Variants in NBEA observed in about 807,000 individuals in gnomAD.
The protein encoded by NBEA is lysosomal-trafficking regulator 2.
A neutral mutation model predicts 343.4 loss-of-function variants in NBEA; 44 were observed. The observed-to-expected ratio is 0.13, with a 90% confidence interval of 0.10 to 0.16. The LOEUF is 0.16. Among genes scored for constraint, NBEA ranks in the 10% least tolerant of loss-of-function variants. The pLI is 1.00. For missense variants in NBEA, 2,555 were observed against 3,631.3 expected (o/e 0.70, Z 7.62); for synonymous variants, 1,175 against 1,238.7 (o/e 0.95, Z 1.08).
intron 38 of NBEA, among the ~76,000 whole-genome samples, chr13:35,358,139 A>G (rs765854806): frequency 4.6e-5 from 7 of 151,938 alleles, no homozygotes; most frequent in Non-Finnish European, 8.8e-5. Context: ...CTCTTGCCTC[A>G]GCCTCCTGAG....
chr13:35,594,765 C>G (rs1396591716), intron 47 of NBEA, among the ~76,000 whole-genome samples: 1 of 151,866 alleles, frequency 6.6e-6, no homozygotes, highest in Non-Finnish European at 1.5e-5. Context: ...ACAGTAGTAT[C>G]CAGAATTCAC....
At chr13:35,425,126 G>GT (rs1178090802) in intron 38 of NBEA, among the ~76,000 whole-genome samples, 1 of 152,034 alleles carries the variant, frequency 6.6e-6, no homozygotes, top group East Asian at 1.9e-4. Context: ...TTTTTGAAGG[G>GT]TTTTTTGTGT....
At chr13:35,536,641 A>G (rs2078560910) in intron 41 of NBEA, among the ~76,000 whole-genome samples, 1 of 125,558 alleles carries the variant, frequency 8.0e-6, no homozygotes, top group Non-Finnish European at 1.7e-5. Context: ...TAAAAAATAG[A>G]TAGATGATAG....
chr13:35,539,915 C>CAAAA lies in NBEA; in HGVS notation c.6586-10538_6586-10535dup, dbSNP rs71081262. On this transcript the variant is annotated intron_variant, in intron 41 of 58. Transcript: ENST00000379939. Reference sequence around the variant, plus strand: ...TGGGCGACAGAGCAAGACTCCGTCTCAAAAAAAAAAAAAAAAAAAAAAAAA... The same window carrying CAAAA: ...TGGGCGACAGAGCAAGACTCCGTCTCAAAAAAAAAAAAAAAAAAAAAAAAAAAAA... 1.9e-3 allele frequency among the ~76,000 whole-genome samples: 76 copies of CAAAA among 39,610 alleles called. 12 individuals carry two copies. The highest frequency in any genetic ancestry group is 7.0e-3 in the African/African-American group (57 of 8,120). The allele number at this position is 39,610 out of a possible 152,430, so 26.0% of individuals were successfully genotyped here. A position where few individuals can be genotyped will look rare whatever the true frequency, so the allele number is the denominator to read the frequency against.
At chr13:35,283,102 C>A (rs1033152072) in intron 34 of NBEA, among the ~76,000 whole-genome samples, 1 of 152,056 alleles carries the variant, frequency 6.6e-6, no homozygotes, top group African/African-American at 2.4e-5. Flanking sequence ...TAAAAACCAT[C>A]ACTATAGATT....
At position 35,070,769 on chromosome 13, in the gene NBEA, T is replaced by G; in HGVS notation, c.1488T>G (p.Ile496Met). 1 of 1,609,678 alleles carries G rather than the reference T, an allele frequency of 6.2e-7. No homozygotes were observed. The change falls in exon 10 of 59, where the codon ATT (isoleucine) becomes ATG (methionine). Residue 496 changes from isoleucine (I) to methionine (M), a missense_variant. This residue lies in a region of NBEA where 360 missense variants were observed against 519.1 expected (regional missense o/e 0.69). Transcript: ENST00000379939. ...CAATTCATAGTGCAATTCATTCAAT[T>G]GGAGGGATTCAAGTGCTTTTTCCAC... ...THSIHSAIHSIGGIQVLFPLF... is the reference protein window; with the variant it reads ...THSIHSAIHSMGGIQVLFPLF...
At chr13:35,404,781 T>C (rs2043187269) in intron 38 of NBEA, among the ~76,000 whole-genome samples, 1 of 151,636 alleles carries the variant, frequency 6.6e-6, no homozygotes, top group African/African-American at 2.4e-5. Context: ...AAAAGAACAA[T>C]ACAATGATTA....
At chr13:35,140,881 G>A (rs984978791) in intron 17 of NBEA, among the ~76,000 whole-genome samples, 1 of 152,136 alleles carries the variant, frequency 6.6e-6, no homozygotes, top group African/African-American at 2.4e-5. Flanking sequence ...CCAAGCAGTT[G>A]ATTATCTTAC....
rs182781501 is a variant in NBEA, at chr13:35,342,689, T to C, written c.5904-6419T>C. 2.1e-3 allele frequency among the ~76,000 whole-genome samples: 324 copies of C among 152,170 alleles called. 2 individuals are homozygous for C. The highest frequency in any genetic ancestry group is 6.8e-3 in the Middle Eastern group (2 of 294). On this transcript the variant is annotated intron_variant, in intron 36 of 58. Coordinates refer to ENST00000379939, the MANE Select transcript of NBEA (RefSeq NM_001385012.1). Reference sequence around the variant, plus strand: ...ATAATATTGTTGCAGAAGAGGCTTATGATGTTATTTAACTTCATACTTATT... The same window carrying C: ...ATAATATTGTTGCAGAAGAGGCTTACGATGTTATTTAACTTCATACTTATT...
chr13:35,040,062 T>A (rs1432692846), intron 1 of NBEA, among the ~76,000 whole-genome samples: 1 of 152,154 alleles, frequency 6.6e-6, no homozygotes, highest in African/African-American at 2.4e-5. Context: ...GACTTCAAAT[T>A]TGTCAGACGT....
chr13:35,447,467 A>G (rs2046104929), intron 39 of NBEA, among the ~76,000 whole-genome samples: 1 of 151,236 alleles, frequency 6.6e-6, no homozygotes, highest in Non-Finnish European at 1.5e-5. Flanking sequence ...TCTGTATTAC[A>G]TAACATTTTC....
At chr13:35,035,286 G>A (rs1158479599) in intron 1 of NBEA, among the ~76,000 whole-genome samples, 1 of 151,878 alleles carries the variant, frequency 6.6e-6, no homozygotes, top group African/African-American at 2.4e-5. Context: ...TTGTCATTCA[G>A]GAGCATATTG....
At chr13:35,252,931 C>G (rs1027014605) in intron 34 of NBEA, among the ~76,000 whole-genome samples, 1 of 152,128 alleles carries the variant, frequency 6.6e-6, no homozygotes, top group African/African-American at 2.4e-5. Context: ...TGAAGACATC[C>G]TCTCTACTCC....
chr13:35,333,916 G>A (rs2039083778), intron 36 of NBEA, among the ~76,000 whole-genome samples: 1 of 151,980 alleles, frequency 6.6e-6, no homozygotes, highest in African/African-American at 2.4e-5. Context: ...TTGTGTACAA[G>A]TACTGCATTT....
intron 29 of NBEA, 69 bp downstream of exon 29, chr13:35,182,597 A>G: frequency 7.2e-7 from 1 of 1,394,036 alleles, no homozygotes. Context: ...CTTTACATCT[A>G]GATTTAAACT....
At chr13:35,015,505 T>C (rs143328319) in intron 1 of NBEA, among the ~76,000 whole-genome samples, 1 of 152,070 alleles carries the variant, frequency 6.6e-6, no homozygotes. Flanking sequence ...ACAACTACTT[T>C]CCATTTTTTT....
intron 13 of NBEA, among the ~76,000 whole-genome samples, chr13:35,115,280 A>G (rs1263753687): frequency 6.6e-6 from 1 of 152,112 alleles, no homozygotes; most frequent in Non-Finnish European, 1.5e-5. Flanking sequence ...TGAATACATC[A>G]TGAACACAAA....
At chr13:35,395,491 C>T (rs1013924380) in intron 38 of NBEA, among the ~76,000 whole-genome samples, 1 of 152,008 alleles carries the variant, frequency 6.6e-6, no homozygotes, top group Non-Finnish European at 1.5e-5. Flanking sequence ...CCTATATAGC[C>T]TACAGAACTG....
At chr13:35,284,252 C>T (rs2152813750) in intron 34 of NBEA, among the ~76,000 whole-genome samples, 1 of 152,138 alleles carries the variant, frequency 6.6e-6, no homozygotes, top group South Asian at 2.1e-4. Flanking sequence ...ACGTTTTGTT[C>T]CTATTTTAAA....
Sources: gnomAD v4.1 joint callset for allele counts (sites outside exome capture counted in the v4.1 genomes callset) on GRCh38, gnomAD v4.1.1 for gene constraint, gnomAD v4.1.1 regional missense constraint, MANE v1.5 for transcripts, NCBI Gene and HGNC (gene_info 2026-07-23, HGNC 2026-07-21) for gene names.